HSDL2: variants seen among roughly 807,000 people sequenced by gnomAD.
HSDL2 encodes hydroxysteroid dehydrogenase like 2.
In HSDL2, 27 loss-of-function variants were observed where a neutral mutation model predicts 46.3. That is an observed-to-expected ratio of 0.58 (90% CI 0.43 to 0.80). HSDL2 has a LOEUF of 0.80. Ranked by LOEUF, HSDL2 falls within the 30% of genes least tolerant of loss-of-function variation. The pLI, the probability that HSDL2 is intolerant of heterozygous loss-of-function variation, is 0.00. For missense variants in HSDL2, 451 were observed against 502.7 expected, an observed-to-expected ratio of 0.90 and a Z score of 0.98; for synonymous variants, 153 against 163.6, an observed-to-expected ratio of 0.94 and a Z score of 0.50.
At chr9:112,462,542 G>A (rs1382459071) in intron 10 of HSDL2, among the ~76,000 whole-genome samples, 1 of 151,734 alleles carries the variant, frequency 6.6e-6, no homozygotes, top group East Asian at 1.9e-4. Flanking sequence ...ACTGTATGGT[G>A]GAGCAGTATG....
chr9:112,468,726 AT>A (rs1457670443), intron 10 of HSDL2, among the ~76,000 whole-genome samples: 2 of 152,050 alleles, frequency 1.3e-5, no homozygotes, highest in African/African-American at 4.8e-5. Flanking sequence ...AGATTGTGGA[AT>A]TTTTAATTTG....
chr9:112,422,828 A>C (rs1008169528), intron 6 of HSDL2, among the ~76,000 whole-genome samples: 13 of 152,242 alleles, frequency 8.5e-5, no homozygotes, highest in African/African-American at 3.1e-4. Context: ...TTCAAGGATA[A>C]AAAAATCTTC....
chr9:112,408,077 G>A (rs747066480), intron 3 of HSDL2, among the ~76,000 whole-genome samples: 1 of 152,146 alleles, frequency 6.6e-6, no homozygotes, highest in Non-Finnish European at 1.5e-5. Context: ...CCACTTTGAT[G>A]ATCTGCCTGG....
At chr9:112,380,829 T>G (rs183416567) in intron 1 of HSDL2, among the ~76,000 whole-genome samples, 21 of 152,262 alleles carry the variant, frequency 1.4e-4, no homozygotes, top group African/African-American at 5.1e-4. Context: ...ATGAAACAAC[T>G]CCTCTTCCCC....
At chr9:112,440,265 G>A (rs1832610780) in intron 7 of HSDL2, among the ~76,000 whole-genome samples, 1 of 152,034 alleles carries the variant, frequency 6.6e-6, no homozygotes, top group African/African-American at 2.4e-5. Context: ...ATATAACAAA[G>A]ATGAATTCAT....
At chr9:112,428,378 T>C (rs1832299398) in intron 6 of HSDL2, among the ~76,000 whole-genome samples, 1 of 152,262 alleles carries the variant, frequency 6.6e-6, no homozygotes, top group Admixed American at 6.5e-5. Context: ...TTTATGTTTC[T>C]GTAGCAGACA....
At chr9:112,391,964 C>G (rs376812632) in intron 1 of HSDL2, among the ~76,000 whole-genome samples, 1 of 151,748 alleles carries the variant, frequency 6.6e-6, no homozygotes, top group African/African-American at 2.4e-5. Context: ...ATTGGGGGAA[C>G]CTGCCCCAAG....
intron 10 of HSDL2, 67 bp from the exon 11 acceptor site, chr9:112,470,365 T>C (rs1833540172): frequency 4.4e-6 from 4 of 907,544 alleles, no homozygotes; most frequent in Non-Finnish European, 7.0e-6. Context: ...ACAATGCGTG[T>C]TCTTAAAGCA....
At chr9:112,380,289 G>A (rs1297239903) in intron 1 of HSDL2, 109 bp downstream of exon 1, 2 of 1,064,536 alleles carry the variant, frequency 1.9e-6, no homozygotes, top group African/African-American at 3.3e-5. Flanking sequence ...GGGAGGTCAA[G>A]GATACTGCCT....
At position 112,410,021 on chromosome 9, in the gene HSDL2, T is replaced by TA. The variant is rs547383495; in HGVS notation, c.395+1013dup. The stretch of plus-strand genomic sequence containing the variant: ...CCTTCCTCTGAAAAAGACCTGGCGT[T>TA]AAAAAAAAAAAAAGACGTAGGTTTT... On this transcript the variant is annotated intron_variant, in intron 4 of 10. Coordinates refer to ENST00000398805, the MANE Select transcript of HSDL2 (RefSeq NM_032303.5). 9.8e-3 allele frequency among the ~76,000 whole-genome samples: 1,415 copies of TA among 144,792 alleles called. 29 individuals are homozygous for TA. The highest frequency in any genetic ancestry group is 0.097 in the East Asian group (491 of 5,040). 95.0% of individuals were successfully genotyped at this position (144,792 alleles called of 152,430 possible). A position where few individuals can be genotyped will look rare whatever the true frequency, so the allele number is the denominator to read the frequency against.
In HSDL2 at chr9:112,454,671, T is replaced by C. The variant is rs77331394; in HGVS notation, c.1015+509T>C. Among the ~76,000 whole-genome samples the C allele has an allele frequency of 3.4e-3, 521 of 152,230 alleles. 27 individuals are homozygous for C. The East Asian group carries it at 0.094, about 27-fold the overall frequency. On this transcript the variant is annotated intron_variant, in intron 9 of 10. Transcript: ENST00000398805. ...GACATTAACCAGGTCGGTCTGACGGTAGTCAGCTTTTTTTCACTTTTTTTA... is the reference window on the plus strand; with the variant it reads ...GACATTAACCAGGTCGGTCTGACGGCAGTCAGCTTTTTTTCACTTTTTTTA...
At position 112,452,512 on chromosome 9, in the gene HSDL2, C is replaced by T. The variant is rs149379507; in HGVS notation, c.866-1501C>T. Among the ~76,000 whole-genome samples, 206 of 151,986 alleles carry T rather than the reference C, an allele frequency of 1.4e-3. 1 individual carries two copies. The highest frequency in any genetic ancestry group is 4.6e-3 in the African/African-American group (192 of 41,478). On this transcript the variant is annotated intron_variant, in intron 8 of 10. Transcript: ENST00000398805. ...CTGCAATCCCAGCACTTTGGGAGGC[C>T]AATGTGGGTGGATCACCTGAGGTAA...
chr9:112,414,317 T>TG (rs1831942755), intron 4 of HSDL2, among the ~76,000 whole-genome samples: 1 of 152,228 alleles, frequency 6.6e-6, no homozygotes, highest in Non-Finnish European at 1.5e-5. Context: ...CTTTATTCAT[T>TG]TACTCAAATG....
chr9:112,395,095 T>C (rs892500357), intron 1 of HSDL2, among the ~76,000 whole-genome samples: 4 of 152,172 alleles, frequency 2.6e-5, no homozygotes, highest in Admixed American at 6.5e-5. Flanking sequence ...CAGAGGGATG[T>C]TATTTTCAGG....
chr9:112,422,056 C>A (rs1038080690), intron 6 of HSDL2, among the ~76,000 whole-genome samples: 2 of 152,096 alleles, frequency 1.3e-5, no homozygotes, highest in African/African-American at 4.8e-5. Context: ...TAAGTATTTC[C>A]TATCCTTGAG....
intron 3 of HSDL2, among the ~76,000 whole-genome samples, chr9:112,406,797 C>T (rs530603219): frequency 1.6e-4 from 25 of 152,258 alleles, no homozygotes; most frequent in Middle Eastern, 6.8e-3. Flanking sequence ...TTCATTTGAT[C>T]CTTATCTTGT....
intron 10 of HSDL2, among the ~76,000 whole-genome samples, chr9:112,464,894 A>G (rs1168284404): frequency 6.6e-6 from 1 of 152,170 alleles, no homozygotes; most frequent in East Asian, 1.9e-4. Context: ...CTGTCAATGT[A>G]ATATCCCTCA....
intron 1 of HSDL2, among the ~76,000 whole-genome samples, chr9:112,384,159 A>C (rs1015901836): frequency 6.6e-6 from 1 of 152,226 alleles, no homozygotes; most frequent in Non-Finnish European, 1.5e-5. Context: ...TTTTGGAAAC[A>C]GTTGTTCTTC....
At chr9:112,396,930 C>G (rs1384602189) in intron 1 of HSDL2, among the ~76,000 whole-genome samples, 8 of 152,136 alleles carry the variant, frequency 5.3e-5, no homozygotes, top group African/African-American at 1.9e-4. Flanking sequence ...TGGTCTGAGT[C>G]TGAGGTGTCC....
Sources: gnomAD v4.1 joint callset for allele counts (sites outside exome capture counted in the v4.1 genomes callset) on GRCh38, gnomAD v4.1.1 for gene constraint, MANE v1.5 for transcripts, NCBI Gene and HGNC (gene_info 2026-07-23, HGNC 2026-07-21) for gene names.